Variants in ARHGEF28 observed in about 807,000 individuals in gnomAD.
ARHGEF28 encodes the protein 190 kDa guanine nucleotide exchange factor.
ARHGEF28 carries 152 observed loss-of-function variants against 206.6 expected under a neutral mutation model. That is an observed-to-expected ratio of 0.74 (90% CI 0.64 to 0.84). ARHGEF28 has a LOEUF of 0.84. Among genes scored for constraint, ARHGEF28 ranks in the 40% least tolerant of loss-of-function variants. ARHGEF28 has a pLI of 0.00. For synonymous variants in ARHGEF28, 763 were observed against 776.4 expected (o/e 0.98, Z 0.29); for missense variants, 2,028 against 2,073.2 (o/e 0.98, Z 0.42).
At chr5:73,887,489 A>G (rs369447047) in intron 25 of ARHGEF28, 114 bp from the exon 26 acceptor site, 8 of 756,254 alleles carry the variant, frequency 1.1e-5, no homozygotes, top group East Asian at 8.2e-5. Flanking sequence ...ATCATAATAC[A>G]GGTATTTTTA....
At chr5:73,737,088 C>G (rs1750985630) in intron 2 of ARHGEF28, among the ~76,000 whole-genome samples, 1 of 152,100 alleles carries the variant, frequency 6.6e-6, no homozygotes, top group South Asian at 2.1e-4. Context: ...CTCCCCACCC[C>G]CACTTTATGA....
intron 8 of ARHGEF28, among the ~76,000 whole-genome samples, chr5:73,795,079 G>A (rs1371518185): frequency 6.6e-6 from 1 of 152,164 alleles, no homozygotes; most frequent in Non-Finnish European, 1.5e-5. Context: ...AGTAAATGTG[G>A]GAGATGTCCT....
At chr5:73,787,714 T>G (rs1754246368) in intron 7 of ARHGEF28, among the ~76,000 whole-genome samples, 2 of 152,210 alleles carry the variant, frequency 1.3e-5, no homozygotes, top group African/African-American at 4.8e-5. Flanking sequence ...GAACTCATAC[T>G]CTTTTTTATG....
At position 73,875,881 on chromosome 5, in the gene ARHGEF28, T is replaced by C. The variant is rs1268959992; in HGVS notation, c.2814+2635T>C. On this transcript the variant is annotated intron_variant, in intron 22 of 35. Coordinates refer to ENST00000513042, the MANE Select transcript of ARHGEF28 (RefSeq NM_001177693.2). ...TGCCTCCACCTTTGTTCTTTTGGCT[T>C]AGGATTGACTTGGCGATGCGGGCTC... Among the ~76,000 whole-genome samples the C allele has an allele frequency of 9.8e-5, 15 of 152,324 alleles. No homozygotes were observed. In the East Asian group the frequency reaches 2.9e-3, roughly 29 times the overall value.
intron 9 of ARHGEF28, among the ~76,000 whole-genome samples, chr5:73,817,515 C>T (rs552451483): frequency 6.6e-6 from 1 of 152,138 alleles, no homozygotes; most frequent in Non-Finnish European, 1.5e-5. Context: ...CTGAGTTTTA[C>T]AGTTATTCCC....
intron 2 of ARHGEF28, among the ~76,000 whole-genome samples, chr5:73,718,087 G>C (rs1340311840): frequency 6.6e-6 from 1 of 152,096 alleles, no homozygotes; most frequent in Non-Finnish European, 1.5e-5. Context: ...ATGTTGGCTG[G>C]TCTCGAATTC....
intron 2 of ARHGEF28, among the ~76,000 whole-genome samples, chr5:73,700,536 A>T (rs1748533971): frequency 6.6e-6 from 1 of 152,192 alleles, no homozygotes; most frequent in Admixed American, 6.5e-5. Flanking sequence ...GCAATTATAG[A>T]GGAGGAATAA....
intron 2 of ARHGEF28, among the ~76,000 whole-genome samples, chr5:73,737,315 G>C (rs764461406): frequency 6.7e-6 from 1 of 149,548 alleles, no homozygotes; most frequent in Non-Finnish European, 1.5e-5. Context: ...TCTTTCTCAC[G>C]CTTTTCCTAT....
chr5:73,672,901 C>T (rs1172006278), intron 1 of ARHGEF28, among the ~76,000 whole-genome samples: 1 of 152,214 alleles, frequency 6.6e-6, no homozygotes, highest in Non-Finnish European at 1.5e-5. Context: ...CGTTAGGCTG[C>T]ACAATTTCAG....
chr5:73,852,759 A>G (rs1758784568), intron 14 of ARHGEF28, 67 bp downstream of exon 14: 1 of 1,524,526 alleles, frequency 6.6e-7, no homozygotes, highest in Admixed American at 1.7e-5. Context: ...TCCACACATC[A>G]TTTTTGCTAT....
Position 73,887,652 on chromosome 5 carries a change from A to C in ARHGEF28, c.3360A>C (p.Lys1120Asn), listed in dbSNP as rs767566747. 1 of 1,574,500 alleles carries C rather than the reference A, an allele frequency of 6.4e-7. No individual in the cohort carries two copies. Among genetic ancestry groups the C allele is most frequent in the East Asian group, 2.3e-5 (1 of 43,884 alleles). Residue 1120 changes from lysine (K) to asparagine (N), a missense_variant, in exon 26 of 36, where the codon AAA becomes AAC. Physicochemically the swap from Lys to Asn is moderately conservative, Grantham distance 94. Transcript: ENST00000513042. ...ATGTGCTGCTCTTTTTACAAGAAAA[A>C]GACCAGAAATACATCTTTGCAGCCG... is the stretch of plus-strand genomic sequence containing the variant. Reference protein sequence around the residue: ...LTDVLLFLQEKDQKYIFAAVD... With the variant: ...LTDVLLFLQENDQKYIFAAVD...
intron 22 of ARHGEF28, among the ~76,000 whole-genome samples, chr5:73,875,052 C>T (rs971698283): frequency 1.3e-5 from 2 of 150,174 alleles, no homozygotes; most frequent in Non-Finnish European, 3.0e-5. Context: ...AAAAGTGTTC[C>T]CATTTCTCCA....
intron 1 of ARHGEF28, among the ~76,000 whole-genome samples, chr5:73,682,617 G>A (rs1348241531): frequency 6.6e-6 from 1 of 152,098 alleles, no homozygotes; most frequent in East Asian, 1.9e-4. Context: ...TCACCATATT[G>A]GTCAGGCTGG....
At chr5:73,899,341 G>A (rs567224874) in intron 30 of ARHGEF28, 2 of 152,352 alleles carry the variant, frequency 1.3e-5, no homozygotes, top group East Asian at 3.9e-4. Flanking sequence ...CCCCTCTGCA[G>A]CTGCCCGAGC....
chr5:73,665,284 G>T (rs1242221746), intron 1 of ARHGEF28, among the ~76,000 whole-genome samples: 4 of 152,128 alleles, frequency 2.6e-5, no homozygotes, highest in African/African-American at 9.7e-5. Flanking sequence ...GTACAGAAAA[G>T]GTTCCCATCC....
In ARHGEF28 at chr5:73,873,081, G is replaced by T; in HGVS notation, c.2649G>T (p.Leu883=). ...EIFRKGMKEE[L]QLDHSTVDKI... ...TCAGGAAAGGCATGAAAGAGGAGCT[G>T]CAGCTGGACCACAGCACCGTGGATA... The change falls in exon 22 of 36, where the codon CTG becomes CTT. Residue 883 remains leucine, a synonymous_variant. Coordinates refer to ENST00000513042, the MANE Select transcript of ARHGEF28 (RefSeq NM_001177693.2). The T allele has an allele frequency of 1.9e-6, 3 of 1,613,560 alleles. 1 individual carries two copies. Among genetic ancestry groups the T allele is most frequent in the African/African-American group, 1.3e-5 (1 of 75,036 alleles).
rs539870617 is a variant in ARHGEF28 at position 73,796,387 on chromosome 5, G to A, written c.1024+996G>A. Among the ~76,000 whole-genome samples, 6 of 152,350 alleles carry A rather than the reference G, an allele frequency of 3.9e-5. No individual in the cohort carries two copies. The East Asian group carries it at 1.2e-3, about 29-fold the overall frequency. Reference sequence around the variant, plus strand: ...GTAGTGACTGAGGGCTCAAGCTGATGTGAAATCAGGAAAAGCTAAATCAAT... The same window carrying A: ...GTAGTGACTGAGGGCTCAAGCTGATATGAAATCAGGAAAAGCTAAATCAAT... On this transcript the variant is annotated intron_variant, in intron 9 of 35. Coordinates refer to ENST00000513042, the MANE Select transcript of ARHGEF28 (RefSeq NM_001177693.2).
intron 2 of ARHGEF28, among the ~76,000 whole-genome samples, chr5:73,742,537 CT>C (rs1751495253): frequency 6.6e-6 from 1 of 151,838 alleles, no homozygotes; most frequent in Admixed American, 6.6e-5. Context: ...GATAAAAGTA[CT>C]TTCAGGCCGG....
At chr5:73,677,536 T>G (rs994252225) in intron 1 of ARHGEF28, among the ~76,000 whole-genome samples, 1 of 152,228 alleles carries the variant, frequency 6.6e-6, no homozygotes, top group African/African-American at 2.4e-5. Context: ...AGTCAAGAAT[T>G]GATATTTTTC....
Sources: gnomAD v4.1 joint callset for allele counts (sites outside exome capture counted in the v4.1 genomes callset) on GRCh38, gnomAD v4.1.1 for gene constraint, MANE v1.5 for transcripts, NCBI Gene and HGNC (gene_info 2026-07-23, HGNC 2026-07-21) for gene names.